The following EHBP1L1 variants were observed in gnomAD, a reference collection of about 807,000 sequenced individuals.
EHBP1L1 encodes the protein EH domain binding protein 1 like 1.
EHBP1L1 carries 122 observed loss-of-function variants against 151.1 expected under a neutral mutation model. The observed-to-expected ratio is 0.81, with a 90% CI of 0.70 to 0.94. The LOEUF (loss-of-function observed/expected upper bound fraction) is 0.94, where lower values mean the gene tolerates loss of function less well. Among genes scored for constraint, EHBP1L1 ranks in the 40% least tolerant of loss-of-function variants. The pLI, the probability that EHBP1L1 is intolerant of heterozygous loss-of-function variation, is 0.00. For missense variants in EHBP1L1, 1,941 were observed against 1,959.8 expected (o/e 0.99, Z 0.18); for synonymous variants, 878 against 810.1 (o/e 1.08, Z -1.42).
chr11:65,591,653 G>C (rs1218268390), intron 16 of EHBP1L1, 147 bp from the exon 17 acceptor site: 1 of 705,790 alleles, frequency 1.4e-6, no homozygotes, highest in Non-Finnish European at 2.6e-6. Flanking sequence ...GGAGACTAGA[G>C]GATAGCTCTG....
At chr11:65,580,291 C>T (rs1328841346) in intron 5 of EHBP1L1, 32 bp downstream of exon 5, 6 of 1,613,116 alleles carry the variant, frequency 3.7e-6, no homozygotes, top group Non-Finnish European at 4.2e-6. Context: ...TTGATCCTGG[C>T]CTGTGACCTC....
At position 65,582,050 on chromosome 11, in the gene EHBP1L1, A is replaced by T. The variant is rs1443295334; in HGVS notation, c.1378A>T (p.Arg460Trp). The T allele has an allele frequency of 6.2e-7, 1 of 1,613,084 alleles. No individual in the cohort carries two copies. Among genetic ancestry groups the T allele is most frequent in the Non-Finnish European group, 8.5e-7 (1 of 1,179,704 alleles). Residue 460 changes from arginine to tryptophan, a missense_variant, in exon 9 of 19, where the codon AGG becomes TGG. Coordinates refer to ENST00000309295, the MANE Select transcript of EHBP1L1 (RefSeq NM_001099409.3). ...CAGGGGGACCCCTGAGGCTCCTCCA[A>T]GGGGCTCTCAGGGGAGGCTGGGAGT... ...RCRGTPEAPP[R>W]GSQGRLGVRT...
In EHBP1L1 at chr11:65,584,258, C is replaced by G; in HGVS notation, c.3111C>G (p.Val1037=). 1.2e-6 allele frequency: 2 copies of G among 1,609,926 alleles called. No homozygotes were observed. Among genetic ancestry groups the G allele is most frequent in the Non-Finnish European group, 1.7e-6 (2 of 1,178,582 alleles). The change falls in exon 10 of 19, where the codon GTC becomes GTG. Residue 1037 remains valine (V), a synonymous_variant. Transcript: ENST00000309295. ...GTCCTCAGGCACCACCTGCCCTGGT[C>G]AGCTCCAGCCAGTCCCTGCTGGAGT... ...LPGSQAPPAL[V]SSSQSLLEWC... is the part of the protein sequence containing the mutation.
chr11:65,590,539 C>T lies in EHBP1L1; in HGVS notation c.4230C>T (p.Thr1410=), dbSNP rs768785219. 11 of 1,613,606 alleles carry T rather than the reference C, an allele frequency of 6.8e-6. No homozygotes were observed. In the East Asian group the frequency reaches 2.0e-4, roughly 29 times the overall value. ...AGGTGCTGATCCAGGAGTGGTTCAC[C>T]CTGGTCAACAAGAAGAACGCTCTCA... ...QEEVLIQEWF[T]LVNKKNALIR... The change falls in exon 16 of 19, where the codon ACC becomes ACT. Residue 1410 remains threonine (T), a synonymous_variant. Coordinates refer to ENST00000309295, the MANE Select transcript of EHBP1L1 (RefSeq NM_001099409.3).
At chr11:65,590,647 G>A in intron 16 of EHBP1L1, 55 bp downstream of exon 16, 1 of 1,479,228 alleles carries the variant, frequency 6.8e-7, no homozygotes, top group East Asian at 2.3e-5. Context: ...ACTTTGGTTA[G>A]AGTTCTTCAC....
rs1483407109 is a variant in EHBP1L1, at chr11:65,583,751, C to T, written c.3079C>T (p.Leu1027=). The T allele has an allele frequency of 6.7e-7, 1 of 1,495,486 alleles. No individual in the cohort carries two copies. The highest frequency in any genetic ancestry group is 8.9e-7 in the Non-Finnish European group (1 of 1,125,118). The allele number at this position is 1,495,486 out of a possible 1,614,324, so 92.6% of individuals were successfully genotyped here. Residue 1027 remains leucine (L), a synonymous_variant, in exon 9 of 19, where the codon CTG becomes TTG. Transcript: ENST00000309295. ...SPEKAEEDRR[L]PGSQAPPALV... is the part of the protein sequence containing the mutation. ...AGAGAAGGCTGAAGAGGACAGGAGG[C>T]TGCCGGGCAGCCAGGTAGGGATGGG...
chr11:65,584,632 T>G, intron 11 of EHBP1L1, 98 bp downstream of exon 11: 2 of 1,481,330 alleles, frequency 1.4e-6, no homozygotes, highest in Non-Finnish European at 1.8e-6. Context: ...GGCCCAGCAG[T>G]GGCTTCTGGA....
Position 65,592,001 on chromosome 11 carries a change from G to T in EHBP1L1, c.4383G>T (p.Gln1461His), listed in dbSNP as rs1457652218. 6.2e-7 allele frequency: 1 copy of T among 1,613,152 alleles called. No individual in the cohort carries two copies. Reference protein sequence around the residue: ...IEDWQKTSAQQHREQLLLEEL... With the variant: ...IEDWQKTSAQHHREQLLLEEL... The stretch of plus-strand genomic sequence containing the variant: ...ACTGGCAGAAAACGTCCGCTCAGCA[G>T]CACCGAGAGCAGCTCCTACTGGAGG... Residue 1461 changes from glutamine (Q) to histidine (H), a missense_variant, in exon 18 of 19, where the codon CAG becomes CAT. Coordinates refer to ENST00000309295, the MANE Select transcript of EHBP1L1 (RefSeq NM_001099409.3).
At position 65,580,132 on chromosome 11, in the gene EHBP1L1, C is replaced by T. The variant is rs1043571282; in HGVS notation, c.364C>T (p.Arg122Cys). Reference protein sequence around the residue: ...VLATAEVDLARHAGPVPVQVP... With the variant: ...VLATAEVDLACHAGPVPVQVP... The stretch of plus-strand genomic sequence containing the variant: ...GGCCACGGCCGAGGTGGACCTGGCC[C>T]GCCATGCAGGGCCCGTGCCTGTCCA... Residue 122 changes from arginine (R) to cysteine (C), a missense_variant, in exon 5 of 19, where the codon CGC becomes TGC. By Grantham distance (180) the Arg-to-Cys change is radical. Transcript: ENST00000309295. 1.7e-5 allele frequency: 27 copies of T among 1,613,474 alleles called. No individual in the cohort carries two copies. Among genetic ancestry groups the T allele is most frequent in the Admixed American group, 3.3e-5 (2 of 59,988 alleles).
At chr11:65,584,167 G>A in intron 9 of EHBP1L1, 74 bp from the exon 10 acceptor site, 12 of 1,556,816 alleles carry the variant, frequency 7.7e-6, no homozygotes, top group Non-Finnish European at 1.0e-5. Flanking sequence ...TGTGTGCCAG[G>A]CATGAGCTTC....
chr11:65,591,982 A>G lies in EHBP1L1; in HGVS notation c.4364A>G (p.Gln1455Arg). ...LRAMLAIEDW[Q>R]KTSAQQHREQ... is the part of the protein sequence containing the mutation. ...TAGCCGCTTCGACCCTCAGACTGGC[A>G]GAAAACGTCCGCTCAGCAGCACCGA... The change falls in exon 18 of 19, where the codon CAG becomes CGG. Residue 1455 changes from glutamine (Q) to arginine (R), a missense_variant. Gln to Arg is a conservative substitution (Grantham distance 43, BLOSUM62 1). Transcript: ENST00000309295. 6.2e-7 allele frequency: 1 copy of G among 1,611,770 alleles called. No individual in the cohort carries two copies. Among genetic ancestry groups the G allele is most frequent in the African/African-American group, 1.3e-5 (1 of 74,990 alleles).
intron 1 of EHBP1L1, among the ~76,000 whole-genome samples, chr11:65,577,738 C>T (rs1419490456): frequency 6.6e-6 from 1 of 152,220 alleles, no homozygotes; most frequent in African/African-American, 2.4e-5. Flanking sequence ...GCTCTGCCAT[C>T]GCTGGCAATT....
In EHBP1L1 at chr11:65,582,902, G is replaced by A. The variant is rs769227338; in HGVS notation, c.2230G>A (p.Ala744Thr). The A allele has an allele frequency of 1.2e-6, 2 of 1,613,556 alleles. No homozygotes were observed. The highest frequency in any genetic ancestry group is 1.3e-5 in the African/African-American group (1 of 74,992). ...GGTCAGAGAGATAGAAGCAGAGATAGCAGAGTCTGACATATTGGTAGCCCA... is the reference window on the plus strand; with the variant it reads ...GGTCAGAGAGATAGAAGCAGAGATAACAGAGTCTGACATATTGGTAGCCCA... ...SGVREIEAEI[A>T]ESDILVAQEI... is the part of the protein sequence containing the mutation. Residue 744 changes from alanine (A) to threonine (T), a missense_variant, in exon 9 of 19, where the codon GCA becomes ACA. Physicochemically the swap from Ala to Thr is moderately conservative, Grantham distance 58 (BLOSUM62 0). Transcript: ENST00000309295.
At position 65,583,433 on chromosome 11, in the gene EHBP1L1, A is replaced by G. The variant is rs776671963; in HGVS notation, c.2761A>G (p.Ile921Val). Reference protein sequence around the residue: ...VLGSQEAKAEISGVQGSETQV... With the variant: ...VLGSQEAKAEVSGVQGSETQV... ...AGGATCCCAGGAAGCAAAAGCAGAGATTTCAGGAGTACAAGGGTCAGAGAC... is the reference window on the plus strand; with the variant it reads ...AGGATCCCAGGAAGCAAAAGCAGAGGTTTCAGGAGTACAAGGGTCAGAGAC... The change falls in exon 9 of 19, where the codon ATT (isoleucine) becomes GTT (valine). Residue 921 changes from isoleucine to valine, a missense_variant. Ile to Val is a conservative substitution (Grantham distance 29). Transcript: ENST00000309295. The G allele has an allele frequency of 1.1e-5, 17 of 1,613,376 alleles. No individual in the cohort carries two copies. The highest frequency in any genetic ancestry group is 1.4e-5 in the Non-Finnish European group (16 of 1,179,762).
At chr11:65,581,505 A>G in intron 8 of EHBP1L1, 34 bp from the exon 9 acceptor site, 1 of 1,429,722 alleles carries the variant, frequency 7.0e-7, no homozygotes, top group Non-Finnish European at 9.3e-7. Context: ...GGGCCAAAGC[A>G]GCCCCCCAAC....
At chr11:65,591,412 TG>T (rs1345331057) in intron 16 of EHBP1L1, 2 of 341,512 alleles carry the variant, frequency 5.9e-6, no homozygotes, top group East Asian at 8.1e-5. Flanking sequence ...GGTTCCCATG[TG>T]GGGTCCGAAG....
rs2056040063 is a variant in EHBP1L1 at position 65,592,197 on chromosome 11, C to T, written c.4473-6C>T. 6.4e-7 allele frequency: 1 copy of T among 1,570,600 alleles called. No homozygotes were observed. Among genetic ancestry groups the T allele is most frequent in the African/African-American group, 1.4e-5 (1 of 74,038 alleles). ...CGGAGCGCTGACTCGAACCCGTTCT[C>T]CCCAGCGCCCTGGAGGAGGACGAGC... On this transcript the variant is annotated splice_region_variant and splice_polypyrimidine_tract_variant and intron_variant, in intron 18 of 18. Coordinates refer to ENST00000309295, the MANE Select transcript of EHBP1L1 (RefSeq NM_001099409.3).
chr11:65,580,492 C>A lies in EHBP1L1; in HGVS notation c.634+13C>A. On this transcript the variant is annotated intron_variant, in intron 6 of 18. Coordinates refer to ENST00000309295, the MANE Select transcript of EHBP1L1 (RefSeq NM_001099409.3). ...GTCCCCCAGCCAGGTGGGCTCACAG[C>A]CTGCTGTGGATCGAGACTGCCAAGA... The A allele has an allele frequency of 6.2e-7, 1 of 1,609,172 alleles. No individual in the cohort carries two copies. The highest frequency in any genetic ancestry group is 2.2e-5 in the East Asian group (1 of 44,882).
Position 65,585,621 on chromosome 11 carries a change from C to G in EHBP1L1, c.3933+30C>G. ...GTGTCAAGGTCCTTCTTTCTTCCCC[C>G]GCCGCAGCGCGGGGTCCCGGGAAGA... On this transcript the variant is annotated intron_variant, in intron 12 of 18. Coordinates refer to ENST00000309295, the MANE Select transcript of EHBP1L1 (RefSeq NM_001099409.3). This position sits in a 1 kb window ranked among gnomAD's most constrained non-coding sequence, Gnocchi z 4.0. 1 of 1,544,632 alleles carries G rather than the reference C, an allele frequency of 6.5e-7. No homozygotes were observed. Among genetic ancestry groups the G allele is most frequent in the South Asian group, 1.2e-5 (1 of 84,946 alleles).
Sources: gnomAD v4.1 joint callset for allele counts (sites outside exome capture counted in the v4.1 genomes callset) on GRCh38, gnomAD v4.1.1 for gene constraint, Gnocchi (gnomAD v3.1) non-coding constraint, MANE v1.5 for transcripts, NCBI Gene and HGNC (gene_info 2026-07-23, HGNC 2026-07-21) for gene names.